Variants in BIRC6 observed in about 807,000 individuals in gnomAD.
BIRC6 encodes the protein dual E2 ubiquitin-conjugating enzyme/E3 ubiquitin-protein ligase BIRC6.
BIRC6 carries 98 observed loss-of-function variants against 503.3 expected under a neutral mutation model. The ratio of observed to expected loss-of-function variants is 0.19; its 90% CI spans 0.17 to 0.23. The LOEUF is 0.23. Ranked by LOEUF, BIRC6 falls within the 10% of genes least tolerant of loss-of-function variation. The pLI, the probability that BIRC6 is intolerant of heterozygous loss-of-function variation, is 1.00. For missense variants in BIRC6, 5,360 were observed against 5,806.0 expected (o/e 0.92, Z 2.50); for synonymous variants, 2,240 against 2,078.7 (o/e 1.08, Z -2.11).
chr2:32,408,857 C>T (rs58043082), intron 9 of BIRC6, among the ~76,000 whole-genome samples: 5,107 of 152,206 alleles, frequency 0.034, 202 homozygotes, highest in African/African-American at 0.098. Flanking sequence ...TTAATTGCCT[C>T]ATTTGAGGAT....
intron 6 of BIRC6, among the ~76,000 whole-genome samples, chr2:32,397,453 CAA>C (rs1238568897): frequency 6.7e-6 from 1 of 150,326 alleles, no homozygotes; most frequent in South Asian, 2.1e-4. Flanking sequence ...GCTTGGGCAA[CAA>C]GAGTGAAACT....
Position 32,441,300 on chromosome 2 carries a change from T to A in BIRC6, c.3811-29T>A, listed in dbSNP as rs540468866. On this transcript the variant is annotated intron_variant, in intron 16 of 73. Coordinates refer to ENST00000421745, the MANE Select transcript of BIRC6 (RefSeq NM_016252.4). ...ATGATTTTTAGTTTAGTTTATTTTT[T>A]AAAATTCATTATTATTTGTAATGTT... The A allele has an allele frequency of 3.9e-4, 543 of 1,384,736 alleles. 2 individuals are homozygous for A. Among genetic ancestry groups the A allele is most frequent in the African/African-American group, 2.2e-3 (154 of 68,478 alleles). 85.8% of individuals were successfully genotyped at this position (1,384,736 alleles called of 1,614,324 possible). A position where few individuals can be genotyped will look rare whatever the true frequency, so the allele number is the denominator to read the frequency against.
chr2:32,508,316 A>C, intron 51 of BIRC6, 57 bp downstream of exon 51: 1 of 1,332,480 alleles, frequency 7.5e-7, no homozygotes, highest in Non-Finnish European at 9.5e-7. Flanking sequence ...CATGGTTGGG[A>C]GATAGGGGAC....
chr2:32,490,037 A>G lies in BIRC6; in HGVS notation c.8096-4A>G. 5 of 1,587,762 alleles carry G rather than the reference A, an allele frequency of 3.1e-6. No homozygotes were observed. The highest frequency in any genetic ancestry group is 4.3e-6 in the Non-Finnish European group (5 of 1,156,862). The stretch of plus-strand genomic sequence containing the variant: ...AATATTTTCCCTTTCTCTTTTCTGC[A>G]TAGCATCAATAACTAGCTTTCTCAC... On this transcript the variant is annotated splice_region_variant and splice_polypyrimidine_tract_variant and intron_variant, in intron 42 of 73. Coordinates refer to ENST00000421745, the MANE Select transcript of BIRC6 (RefSeq NM_016252.4).
At chr2:32,555,715 A>C in intron 65 of BIRC6, among the ~76,000 whole-genome samples, 1 of 152,028 alleles carries the variant, frequency 6.6e-6, no homozygotes, top group Non-Finnish European at 1.5e-5. Context: ...TCACATCTGC[A>C]ATCCCAGCAC....
chr2:32,401,431 C>G, intron 7 of BIRC6, 32 bp from the exon 8 acceptor site: 1 of 1,611,906 alleles, frequency 6.2e-7, no homozygotes, highest in Non-Finnish European at 8.5e-7. Context: ...GAAAAAAGAT[C>G]AGTTGTAAAC....
chr2:32,598,631 A>G (rs1007995814), intron 69 of BIRC6, among the ~76,000 whole-genome samples: 2 of 152,202 alleles, frequency 1.3e-5, no homozygotes, highest in Non-Finnish European at 1.5e-5. Flanking sequence ...AACTTTCTTT[A>G]TATTTATGAT....
intron 59 of BIRC6, among the ~76,000 whole-genome samples, chr2:32,525,837 AT>A (rs2056220810): frequency 6.6e-6 from 1 of 152,110 alleles, no homozygotes; most frequent in East Asian, 1.9e-4. Context: ...CTATCAAGTT[AT>A]TTATTTCTAC....
At position 32,478,719 on chromosome 2, in the gene BIRC6, T is replaced by C. The variant is rs1444762997; in HGVS notation, c.7153T>C (p.Leu2385=). ...VNEPQLERLL[L]LLVGTDFNRG... Reference sequence around the variant, plus strand: ...CGAACCCCAGCTGGAAAGACTGCTGTTACTTTTGGTTGGAACTGACTTCAA... The same window carrying C: ...CGAACCCCAGCTGGAAAGACTGCTGCTACTTTTGGTTGGAACTGACTTCAA... Residue 2385 remains leucine, a synonymous_variant, in exon 36 of 74, where the codon TTA becomes CTA. Transcript: ENST00000421745. 1 of 1,613,870 alleles carries C rather than the reference T, an allele frequency of 6.2e-7. No individual in the cohort carries two copies. The highest frequency in any genetic ancestry group is 1.3e-5 in the African/African-American group (1 of 74,940).
intron 61 of BIRC6, among the ~76,000 whole-genome samples, chr2:32,540,192 C>A (rs1213398034): frequency 6.6e-6 from 1 of 151,992 alleles, no homozygotes; most frequent in Non-Finnish European, 1.5e-5. Context: ...ATTTTGAAAT[C>A]ACATTAATCC....
At chr2:32,410,704 C>CTT (rs1404812049) in intron 9 of BIRC6, among the ~76,000 whole-genome samples, 6 of 142,842 alleles carry the variant, frequency 4.2e-5, no homozygotes, top group Non-Finnish European at 6.2e-5. Context: ...TGGGCAACTT[C>CTT]TTTTTTTTTT....
chr2:32,373,889 A>G (rs540637291), intron 1 of BIRC6, among the ~76,000 whole-genome samples: 83 of 152,344 alleles, frequency 5.4e-4, no homozygotes, highest in African/African-American at 1.8e-3. Context: ...AAATTCTGAC[A>G]TAGGCTCTAA....
intron 47 of BIRC6, 100 bp from the exon 48 acceptor site, chr2:32,502,695 A>C (rs1222650318): frequency 6.2e-6 from 5 of 805,580 alleles, no homozygotes; most frequent in Non-Finnish European, 9.4e-6. Context: ...TAAGGCTGTC[A>C]GTTTACAAAA....
intron 61 of BIRC6, among the ~76,000 whole-genome samples, chr2:32,532,882 C>G (rs1209995234): frequency 6.6e-6 from 1 of 151,984 alleles, no homozygotes; most frequent in Non-Finnish European, 1.5e-5. Flanking sequence ...TGATTAGTAA[C>G]TGGAAATGGG....
intron 41 of BIRC6, 45 bp downstream of exon 41, chr2:32,487,846 G>T: frequency 6.6e-7 from 1 of 1,510,964 alleles, no homozygotes. Flanking sequence ...ATTATTGTTA[G>T]CCTGGTAAAA....
chr2:32,569,581 A>G (rs1559073803), intron 65 of BIRC6, among the ~76,000 whole-genome samples: 1 of 151,854 alleles, frequency 6.6e-6, no homozygotes, highest in Non-Finnish European at 1.5e-5. Flanking sequence ...TATGTTGTTC[A>G]GGCTGGTCTT....
intron 3 of BIRC6, among the ~76,000 whole-genome samples, chr2:32,381,321 C>G (rs1280298242): frequency 6.6e-6 from 1 of 152,142 alleles, no homozygotes; most frequent in African/African-American, 2.4e-5. Context: ...CTCACTGCAA[C>G]CTCTGCCTCC....
intron 41 of BIRC6, 35 bp downstream of exon 41, chr2:32,487,836 A>G (rs376853663): frequency 1.3e-6 from 2 of 1,545,308 alleles, no homozygotes; most frequent in East Asian, 4.5e-5. Context: ...ATTTTTACAT[A>G]TTATTGTTAG....
In BIRC6 at chr2:32,505,593, C is replaced by T. The variant is rs62136322; in HGVS notation, c.9700+388C>T. On this transcript the variant is annotated intron_variant, in intron 50 of 73. Transcript: ENST00000421745. ...GTGAAATTAGCATAGATTTGTGTGC[C>T]TGCCCTCCAACTTCTTTACAAGATA... Among the ~76,000 whole-genome samples, 187 of 152,244 alleles carry T rather than the reference C, an allele frequency of 1.2e-3. 1 individual carries two copies. The highest frequency in any genetic ancestry group is 2.2e-3 in the Non-Finnish European group (151 of 68,024).
Sources: allele counts gnomAD v4.1 joint callset (sites outside exome capture counted in the v4.1 genomes callset), GRCh38; gene constraint gnomAD v4.1.1; transcripts MANE v1.5; gene names NCBI Gene and HGNC (gene_info 2026-07-23, HGNC 2026-07-21).